Variants in GLI3 observed in about 807,000 individuals in gnomAD.
GLI3 encodes GLI family zinc finger 3, also known as transcription activator GLI3.
GLI3 carries 20 observed loss-of-function variants against 100.8 expected under a neutral mutation model. That is an observed-to-expected ratio of 0.20 (90% CI 0.14 to 0.29). The LOEUF is 0.29. GLI3 is among the 10% of genes least tolerant of loss of function. The probability of loss-of-function intolerance (pLI) is 1.00; values close to 1 mark genes in which losing one functional copy is unlikely to be tolerated. For missense variants in GLI3, 2,040 were observed against 2,128.5 expected (o/e 0.96, Z 0.82); for synonymous variants, 938 against 860.5 (o/e 1.09, Z -1.58).
At position 41,964,069 on chromosome 7, in the gene GLI3, T is replaced by TG. The variant is rs941476453; in HGVS notation, c.*260_*261insC. The TG allele has an allele frequency of 7.4e-5, 22 of 297,204 alleles. No individual in the cohort carries two copies. The highest frequency in any genetic ancestry group is 1.3e-4 in the Non-Finnish European group (20 of 159,510). The allele number at this position is 297,204 out of a possible 1,614,324, so 18.4% of individuals were successfully genotyped here. On this transcript the variant is annotated 3_prime_UTR_variant, in exon 15 of 15. Coordinates refer to ENST00000395925, the MANE Select transcript of GLI3 (RefSeq NM_000168.6). ...AAAAGGGGGCGGGGCTTACAGTTTT[T>TG]TTTTTTTTTTTTAAAAAGAGGGTGG... is the stretch of plus-strand genomic sequence containing the variant.
chr7:42,063,889 A>G (rs571898915), intron 4 of GLI3, among the ~76,000 whole-genome samples: 7 of 152,350 alleles, frequency 4.6e-5, no homozygotes, highest in African/African-American at 1.4e-4. Flanking sequence ...TTTTAAACCC[A>G]AAGAAAAACT....
chr7:42,248,486 C>T (rs1021147688), intron 1 of GLI3, among the ~76,000 whole-genome samples: 6 of 152,118 alleles, frequency 3.9e-5, no homozygotes, highest in Non-Finnish European at 8.8e-5. Context: ...GTCCAGTCCA[C>T]AATTTGGAGA....
At position 42,085,413 on chromosome 7, in the gene GLI3, T is replaced by C. The variant is rs565141883; in HGVS notation, c.368-8556A>G. On this transcript the variant is annotated intron_variant, in intron 3 of 14. Coordinates refer to ENST00000395925, the MANE Select transcript of GLI3 (RefSeq NM_000168.6). ...AGATAGTATATTTCATAATAGTATATATCTTCTTAAGGAATCCTCTTGACA... is the reference window on the plus strand; with the variant it reads ...AGATAGTATATTTCATAATAGTATACATCTTCTTAAGGAATCCTCTTGACA... Among the ~76,000 whole-genome samples, 74 of 152,286 alleles carry C rather than the reference T, an allele frequency of 4.9e-4. No homozygotes were observed. The Middle Eastern group carries it at 0.01, about 21-fold the overall frequency.
At chr7:42,180,424 A>C (rs1235179442) in intron 2 of GLI3, among the ~76,000 whole-genome samples, 1 of 152,250 alleles carries the variant, frequency 6.6e-6, no homozygotes, top group Non-Finnish European at 1.5e-5. Flanking sequence ...CAGAGGAGCC[A>C]GGGGAAGGTG....
chr7:42,097,941 G>A (rs1262886154), intron 3 of GLI3, among the ~76,000 whole-genome samples: 1 of 152,090 alleles, frequency 6.6e-6, no homozygotes, highest in Non-Finnish European at 1.5e-5. Context: ...AGAACTTACT[G>A]GCCTTATTCA....
chr7:41,965,448 G>C lies in GLI3; in HGVS notation c.3625C>G (p.Pro1209Ala), dbSNP rs779661748. Residue 1209 changes from proline to alanine, a missense_variant, in exon 15 of 15, where the codon CCT (proline) becomes GCT (alanine). By Grantham distance (27) the Pro-to-Ala change is conservative. Coordinates refer to ENST00000395925, the MANE Select transcript of GLI3 (RefSeq NM_000168.6). Reference sequence around the variant, plus strand: ...CCGAGGGTCTGATAGCCCCCAGCAGGCCCGCTCCTCAAGGGGTTCTGCGGG... The same window carrying C: ...CCGAGGGTCTGATAGCCCCCAGCAGCCCCGCTCCTCAAGGGGTTCTGCGGG... Reference protein sequence around the residue: ...VHPQNPLRSGPAGGYQTLGEN... With the variant: ...VHPQNPLRSGAAGGYQTLGEN... 6.2e-7 allele frequency: 1 copy of C among 1,608,014 alleles called. No homozygotes were observed. The highest frequency in any genetic ancestry group is 1.1e-5 in the South Asian group (1 of 91,004).
intron 2 of GLI3, among the ~76,000 whole-genome samples, chr7:42,187,433 A>C (rs1396653545): frequency 6.6e-6 from 1 of 152,140 alleles, no homozygotes; most frequent in Non-Finnish European, 1.5e-5. Flanking sequence ...ACATAAGAGG[A>C]AAGGGTGAAA....
intron 4 of GLI3, among the ~76,000 whole-genome samples, chr7:42,067,665 C>G (rs1784702427): frequency 6.6e-6 from 1 of 152,164 alleles, no homozygotes; most frequent in Non-Finnish European, 1.5e-5. Flanking sequence ...CTCCCTTAGG[C>G]TGGCTACCTA....
chr7:42,191,567 G>A (rs1320716072), intron 2 of GLI3, among the ~76,000 whole-genome samples: 2 of 151,920 alleles, frequency 1.3e-5, no homozygotes, highest in Non-Finnish European at 2.9e-5. Context: ...CAGGAGAATC[G>A]CTTGAACTCG....
At chr7:42,116,977 T>G (rs1785875483) in intron 3 of GLI3, among the ~76,000 whole-genome samples, 1 of 152,212 alleles carries the variant, frequency 6.6e-6, no homozygotes, top group Non-Finnish European at 1.5e-5. Flanking sequence ...AGATATCACT[T>G]GTGAACTAAA....
intron 4 of GLI3, among the ~76,000 whole-genome samples, chr7:42,058,043 TA>T (rs1784497840): frequency 6.6e-6 from 1 of 151,478 alleles, no homozygotes; most frequent in African/African-American, 2.4e-5. Flanking sequence ...GCTATTGAAA[TA>T]AAAAATATGT....
chr7:42,132,408 G>A (rs7455113), intron 3 of GLI3, among the ~76,000 whole-genome samples: 2 of 152,116 alleles, frequency 1.3e-5, no homozygotes, highest in African/African-American at 2.4e-5. Flanking sequence ...CCGGCTTCAT[G>A]ATTTATTAAA....
intron 10 of GLI3, among the ~76,000 whole-genome samples, chr7:42,011,154 G>A (rs891329576): frequency 1.3e-5 from 2 of 152,324 alleles, no homozygotes; most frequent in Admixed American, 1.3e-4. Flanking sequence ...GATGTATGGA[G>A]TTATTTGCTG....
At chr7:42,140,254 G>A (rs188699865) in intron 3 of GLI3, among the ~76,000 whole-genome samples, 3 of 152,234 alleles carry the variant, frequency 2.0e-5, no homozygotes, top group East Asian at 3.9e-4. Context: ...TTGACTTTTC[G>A]ATGGCCTAAA....
intron 13 of GLI3, among the ~76,000 whole-genome samples, chr7:41,969,357 G>A (rs1787308453): frequency 2.0e-5 from 3 of 152,158 alleles, no homozygotes; most frequent in Non-Finnish European, 4.4e-5. Context: ...ACAGAGTACT[G>A]TAGTCTCAGG....
chr7:41,968,736 GA>G (rs72310539), intron 13 of GLI3, among the ~76,000 whole-genome samples: 1,919 of 112,036 alleles, frequency 0.017, 54 homozygotes, highest in African/African-American at 0.073. Context: ...AAGAAAGAAA[GA>G]AAGAAAGAAA....
At chr7:42,108,503 T>C (rs545800249) in intron 3 of GLI3, among the ~76,000 whole-genome samples, 18 of 152,258 alleles carry the variant, frequency 1.2e-4, no homozygotes, top group African/African-American at 4.3e-4. Context: ...TCTGGGTAGC[T>C]TGGTGAGCAG....
chr7:42,024,810 G>A (rs956624658), intron 9 of GLI3, among the ~76,000 whole-genome samples: 9 of 152,142 alleles, frequency 5.9e-5, no homozygotes, highest in African/African-American at 2.2e-4. Flanking sequence ...GGCTCTCCTA[G>A]AAAGTGGGAA....
At chr7:42,107,661 G>T (rs1785607407) in intron 3 of GLI3, among the ~76,000 whole-genome samples, 1 of 152,106 alleles carries the variant, frequency 6.6e-6, no homozygotes, top group African/African-American at 2.4e-5. Flanking sequence ...ATGGATGGGT[G>T]GGGAGTATTT....
Sources: allele counts gnomAD v4.1 joint callset (sites outside exome capture counted in the v4.1 genomes callset), GRCh38; gene constraint gnomAD v4.1.1; transcripts MANE v1.5; gene names NCBI Gene and HGNC (gene_info 2026-07-23, HGNC 2026-07-21).